RASA3: variants seen among roughly 807,000 people sequenced by gnomAD.
RASA3 encodes the protein RAS p21 protein activator 3.
RASA3 carries 73 observed loss-of-function variants against 110.0 expected under a neutral mutation model. The observed-to-expected ratio is 0.66, with a 90% CI of 0.55 to 0.81. The LOEUF is 0.81. Ranked by LOEUF, RASA3 falls within the 30% of genes least tolerant of loss-of-function variation. RASA3 has a pLI of 0.00. For missense variants in RASA3, 976 were observed against 1,113.2 expected, an observed-to-expected ratio of 0.88 and a Z score of 1.75; for synonymous variants, 500 against 451.4, an observed-to-expected ratio of 1.11 and a Z score of -1.37.
intron 3 of RASA3, among the ~76,000 whole-genome samples, chr13:114,049,633 G>A (rs1170085457): frequency 6.6e-6 from 1 of 152,276 alleles, no homozygotes; most frequent in Non-Finnish European, 1.5e-5. Flanking sequence ...TGGTGACGAG[G>A]CCTGACACAC....
At chr13:114,091,489 GTTATATCCATGTGACCGATCACATT>G (rs1389354798) in intron 1 of RASA3, among the ~76,000 whole-genome samples, 1 of 150,556 alleles carries the variant, frequency 6.6e-6, no homozygotes. Context: ...TTTGTTCTGG[GTTATATCCATGTGACCGATCACATT>G]TATTGATGAG....
intron 12 of RASA3, among the ~76,000 whole-genome samples, chr13:114,016,794 C>T (rs2053802589): frequency 6.6e-6 from 1 of 152,192 alleles, no homozygotes; most frequent in South Asian, 2.1e-4. Context: ...TGTTTACAAA[C>T]CCGCTCATAA....
chr13:114,010,630 GC>G (rs2053611761), intron 16 of RASA3, among the ~76,000 whole-genome samples: 1 of 118,646 alleles, frequency 8.4e-6, no homozygotes, highest in African/African-American at 3.4e-5. Flanking sequence ...GGAGGCGGCC[GC>G]TTGGGGAGGA....
intron 4 of RASA3, among the ~76,000 whole-genome samples, chr13:114,033,444 C>T (rs1566506160): frequency 9.4e-6 from 1 of 106,462 alleles, no homozygotes. Flanking sequence ...GACACCACGC[C>T]CCACGGCACC....
intron 2 of RASA3, among the ~76,000 whole-genome samples, chr13:114,053,148 C>T (rs549714092): frequency 6.6e-6 from 1 of 152,126 alleles, no homozygotes; most frequent in Non-Finnish European, 1.5e-5. Context: ...GGAGGAGAGG[C>T]CCCTGCTGCT....
intron 1 of RASA3, among the ~76,000 whole-genome samples, chr13:114,131,003 T>C (rs971226478): frequency 6.6e-6 from 1 of 152,258 alleles, no homozygotes; most frequent in African/African-American, 2.4e-5. Context: ...CAGCTCTGGC[T>C]TTCTTGTATG....
rs111410288 is a variant in RASA3, at chr13:114,056,468, G to A, written c.174-4313C>T. The A allele has an allele frequency of 1.6e-5, 16 of 985,408 alleles. 1 individual carries two copies. In the African/African-American group the frequency reaches 2.1e-4, roughly 13 times the overall value. The allele number at this position is 985,408 out of a possible 1,614,324, so 61.0% of individuals were successfully genotyped here. A position where few individuals can be genotyped will look rare whatever the true frequency, so the allele number is the denominator to read the frequency against. On this transcript the variant is annotated intron_variant, in intron 2 of 23. Transcript: ENST00000334062. The surrounding 1 kb of genome is among the most constrained non-coding windows in gnomAD (Gnocchi z 5.7). The stretch of plus-strand genomic sequence containing the variant: ...AAACGAAACTAACCCCAGGGCTTGG[G>A]CAGCAGGGCTGAGAGTGCGGCGTCC...
chr13:114,031,281 GTGT>G (rs2054162571), intron 4 of RASA3, among the ~76,000 whole-genome samples: 1 of 149,188 alleles, frequency 6.7e-6, no homozygotes, highest in South Asian at 2.1e-4. Context: ...GAAACTGTGT[GTGT>G]CTGCCTGTCG....
chr13:114,080,111 C>T (rs928408108), intron 1 of RASA3, among the ~76,000 whole-genome samples: 8 of 152,224 alleles, frequency 5.3e-5, no homozygotes, highest in African/African-American at 1.4e-4. Flanking sequence ...TCTATCCTCA[C>T]GCTCAGGAGG....
chr13:114,080,003 C>T (rs1405932652), intron 1 of RASA3, among the ~76,000 whole-genome samples: 4 of 152,356 alleles, frequency 2.6e-5, no homozygotes, highest in Non-Finnish European at 5.9e-5. Flanking sequence ...CAAGTGCCTT[C>T]CCGAAGGGCC....
chr13:114,053,215 C>CCTTGCTCCCGGAGG (rs2079182490), intron 2 of RASA3, among the ~76,000 whole-genome samples: 3 of 103,932 alleles, frequency 2.9e-5, no homozygotes, highest in Non-Finnish European at 4.0e-5. Context: ...ACTGTGCTTA[C>CCTTGCTCCCGGAGG]AGAGTGCATG....
rs9525228 is a variant in RASA3 at position 114,057,771 on chromosome 13, C to T, written c.174-5616G>A. Among the ~76,000 whole-genome samples the T allele has an allele frequency of 0.14, 20,561 of 152,198 alleles. 1,786 individuals carry two copies. Among genetic ancestry groups the T allele is most frequent in the Middle Eastern group, 0.22 (64 of 294 alleles). On this transcript the variant is annotated intron_variant, in intron 2 of 23. Coordinates refer to ENST00000334062, the MANE Select transcript of RASA3 (RefSeq NM_007368.4). This position sits in a 1 kb window ranked among gnomAD's most constrained non-coding sequence, Gnocchi z 5.0. ...CCACAGCTAAAACCCATAAAACCTC[C>T]GCCAACCACACCCAGACCTGGAAGG...
intron 3 of RASA3, among the ~76,000 whole-genome samples, chr13:114,047,440 C>T (rs1299908107): frequency 6.6e-6 from 1 of 152,202 alleles, no homozygotes; most frequent in Non-Finnish European, 1.5e-5. Context: ...GCTGCTCTCA[C>T]CCGCTGCTGG....
rs774698203 is a variant in RASA3, at chr13:114,011,143, A to G, written c.1590+28T>C. On this transcript the variant is annotated intron_variant, in intron 16 of 23. Coordinates refer to ENST00000334062, the MANE Select transcript of RASA3 (RefSeq NM_007368.4). This position sits in a 1 kb window ranked among gnomAD's most constrained non-coding sequence, Gnocchi z 4.8. ...AGAGAAAAGAATCAGTTGTCCCTAA[A>G]AAGAGAAAATGAAGAAGAGGGACTC... is the stretch of plus-strand genomic sequence containing the variant. 41 of 1,573,602 alleles carry G rather than the reference A, an allele frequency of 2.6e-5. No individual in the cohort carries two copies. Among genetic ancestry groups the G allele is most frequent in the Non-Finnish European group, 3.5e-5 (40 of 1,145,292 alleles).
At chr13:114,074,050 C>A (rs866864380) in intron 1 of RASA3, among the ~76,000 whole-genome samples, 3 of 152,234 alleles carry the variant, frequency 2.0e-5, no homozygotes, top group Non-Finnish European at 4.4e-5. Flanking sequence ...ATGCAAGTCC[C>A]GCAAGCAGGG....
At chr13:114,110,202 G>C (rs2080198378) in intron 1 of RASA3, among the ~76,000 whole-genome samples, 1 of 152,244 alleles carries the variant, frequency 6.6e-6, no homozygotes, top group African/African-American at 2.4e-5. Flanking sequence ...CAGTGGGACA[G>C]AATTCAGCAG....
chr13:114,065,095 A>C lies in RASA3; in HGVS notation c.173+8625T>G, dbSNP rs1208910865. On this transcript the variant is annotated intron_variant, in intron 2 of 23. Coordinates refer to ENST00000334062, the MANE Select transcript of RASA3 (RefSeq NM_007368.4). This position sits in a 1 kb window ranked among gnomAD's most constrained non-coding sequence, Gnocchi z 4.1. ...CTTGCAGAAAACAGAGTTGACCTTT[A>C]AGTAGTGGCTCTGATGAGGGGAAAC... Among the ~76,000 whole-genome samples, 2 of 152,252 alleles carry C rather than the reference A, an allele frequency of 1.3e-5. No individual in the cohort carries two copies. Among genetic ancestry groups the C allele is most frequent in the Non-Finnish European group, 1.5e-5 (1 of 68,044 alleles).
At position 114,011,227 on chromosome 13, in the gene RASA3, G is replaced by C. The variant is rs148971321; in HGVS notation, c.1534C>G (p.Leu512Val). Reference sequence around the variant, plus strand: ...TGAACGGTCTTGGAGATCAATGTCAGCGTCCTGGACGTCTGGGGGTCCTGG... The same window carrying C: ...TGAACGGTCTTGGAGATCAATGTCACCGTCCTGGACGTCTGGGGGTCCTGG... ...HHTDPQTSRT[L>V]TLISKTVQTL... The change falls in exon 16 of 24, where the codon CTG (leucine) becomes GTG (valine). Residue 512 changes from leucine (L) to valine (V), a missense_variant. Physicochemically the swap from Leu to Val is conservative, Grantham distance 32. Coordinates refer to ENST00000334062, the MANE Select transcript of RASA3 (RefSeq NM_007368.4). The surrounding 1 kb of genome is among the most constrained non-coding windows in gnomAD (Gnocchi z 4.8). 2 of 1,612,732 alleles carry C rather than the reference G, an allele frequency of 1.2e-6. No individual in the cohort carries two copies. Among genetic ancestry groups the C allele is most frequent in the African/African-American group, 2.7e-5 (2 of 74,902 alleles).
At position 114,064,947 on chromosome 13, in the gene RASA3, C is replaced by T. The variant is rs563899984; in HGVS notation, c.173+8773G>A. Among the ~76,000 whole-genome samples the T allele has an allele frequency of 6.6e-5, 10 of 152,402 alleles. No individual in the cohort carries two copies. The East Asian group carries it at 1.9e-3, about 29-fold the overall frequency. ...GGCCTAAGGAAATTAACGCACGCAG[C>T]AGCCTCTCCCTCTGAGGCAGAGACC... is the stretch of plus-strand genomic sequence containing the variant. On this transcript the variant is annotated intron_variant, in intron 2 of 23. Transcript: ENST00000334062.
Sources: allele counts gnomAD v4.1 joint callset (sites outside exome capture counted in the v4.1 genomes callset), GRCh38; gene constraint gnomAD v4.1.1; non-coding constraint Gnocchi (gnomAD v3.1); transcripts MANE v1.5; gene names NCBI Gene and HGNC (gene_info 2026-07-23, HGNC 2026-07-21).